Variants in ZBP1 observed in about 807,000 individuals in gnomAD.
ZBP1 encodes the protein Z-DNA binding protein 1, also known as Z-DNA-binding protein 1.
In ZBP1, 42 loss-of-function variants were observed where a neutral mutation model predicts 41.1. The observed-to-expected ratio is 1.02, with a 90% CI of 0.80 to 1.32. The LOEUF (loss-of-function observed/expected upper bound fraction) is 1.32, where lower values mean the gene tolerates loss of function less well. ZBP1 is among the 40% of genes most tolerant of loss of function. ZBP1 has a pLI of 0.00. For synonymous variants in ZBP1, 214 were observed against 205.2 expected (o/e 1.04, Z -0.37); for missense variants, 562 against 549.7 (o/e 1.02, Z -0.22).
At chr20:57,619,812 G>C (rs2070951598) in intron 1 of ZBP1, among the ~76,000 whole-genome samples, 1 of 152,086 alleles carries the variant, frequency 6.6e-6, no homozygotes, top group Non-Finnish European at 1.5e-5. Flanking sequence ...CTGTCAAAGG[G>C]GGATGGCTAT....
chr20:57,611,686 C>T (rs1017887385), intron 6 of ZBP1, 41 bp downstream of exon 6: 128 of 1,572,792 alleles, frequency 8.1e-5, no homozygotes, highest in Non-Finnish European at 1.1e-4. Flanking sequence ...TGAGGACCCA[C>T]GGGGTGGCAG....
At chr20:57,615,467 T>C in intron 3 of ZBP1, 45 bp downstream of exon 3, 4 of 1,597,488 alleles carry the variant, frequency 2.5e-6, no homozygotes, top group Non-Finnish European at 8.6e-7. Context: ...TCCTGGGGAG[T>C]GGGATCCTGT....
At chr20:57,620,223 G>T in intron 1 of ZBP1, 39 bp downstream of exon 1, 1 of 1,564,676 alleles carries the variant, frequency 6.4e-7, no homozygotes, top group East Asian at 2.4e-5. Flanking sequence ...TCTCACCCCG[G>T]GAGCTACCGC....
chr20:57,604,307 C>A lies in ZBP1; in HGVS notation c.*266G>T, dbSNP rs1402826002. ...GAGAGAGTCCCCTGGGCCTGGGGGA[C>A]CGAGCCCCACTCCCATCTACCCACC... On this transcript the variant is annotated 3_prime_UTR_variant, in exon 8 of 8. Transcript: ENST00000371173. 1 of 613,048 alleles carries A rather than the reference C, an allele frequency of 1.6e-6. No homozygotes were observed. Among genetic ancestry groups the A allele is most frequent in the African/African-American group, 1.8e-5 (1 of 55,184 alleles). The allele number at this position is 613,048 out of a possible 1,614,324, so 38.0% of individuals were successfully genotyped here. A position where few individuals can be genotyped will look rare whatever the true frequency, so the allele number is the denominator to read the frequency against.
chr20:57,610,100 TGG>T lies in ZBP1; in HGVS notation c.1093+47_1093+48del. 6.5e-7 allele frequency: 1 copy of T among 1,536,760 alleles called. No homozygotes were observed. Among genetic ancestry groups the T allele is most frequent in the Non-Finnish European group, 9.0e-7 (1 of 1,113,890 alleles). On this transcript the variant is annotated intron_variant, in intron 7 of 7. Transcript: ENST00000371173. The surrounding 1 kb of genome is among the most constrained non-coding windows in gnomAD (Gnocchi z 5.5). ...AGTGAATGAATGAATGAGTGGAAGGTGGGGAGAGAGAGAGAACACACAGGGGT... is the reference window on the plus strand; with the variant it reads ...AGTGAATGAATGAATGAGTGGAAGGTGGAGAGAGAGAGAACACACAGGGGT...
At position 57,604,287 on chromosome 20, in the gene ZBP1, A is replaced by G. The variant is rs1224160385; in HGVS notation, c.*286T>C. ...CCCGAGCCCAGGAAAGAGTGGAGAG[A>G]GTCCCCTGGGCCTGGGGGACCGAGC... On this transcript the variant is annotated 3_prime_UTR_variant, in exon 8 of 8. Transcript: ENST00000371173. 1 of 573,398 alleles carries G rather than the reference A, an allele frequency of 1.7e-6. No homozygotes were observed. The allele number at this position is 573,398 out of a possible 1,614,324, so 35.5% of individuals were successfully genotyped here. A position where few individuals can be genotyped will look rare whatever the true frequency, so the allele number is the denominator to read the frequency against.
intron 2 of ZBP1, 172 bp from the exon 3 acceptor site, chr20:57,615,752 C>T (rs1054063507): frequency 4.0e-5 from 23 of 575,088 alleles, no homozygotes; most frequent in African/African-American, 2.1e-4. Context: ...CTGGCAGCTG[C>T]GGCTTCCTGC....
chr20:57,615,945 T>C, intron 2 of ZBP1: 1 of 548,552 alleles, frequency 1.8e-6, no homozygotes, highest in Non-Finnish European at 3.2e-6. Context: ...ATTGGGACCA[T>C]GGCGTCATTG....
rs531626909 is a variant in ZBP1, at chr20:57,612,326, A to T, written c.671-396T>A. Among the ~76,000 whole-genome samples, 466 of 152,318 alleles carry T rather than the reference A, an allele frequency of 3.1e-3. 3 individuals carry two copies. The highest frequency in any genetic ancestry group is 0.011 in the African/African-American group (446 of 41,552). On this transcript the variant is annotated intron_variant, in intron 5 of 7. Coordinates refer to ENST00000371173, the MANE Select transcript of ZBP1 (RefSeq NM_030776.3). ...ATTTTTATGGTGTTTTTCATGATTTACACTTAAAATAATACTATAAAATTG... is the reference window on the plus strand; with the variant it reads ...ATTTTTATGGTGTTTTTCATGATTTTCACTTAAAATAATACTATAAAATTG...
chr20:57,605,044 G>A (rs368440797), intron 7 of ZBP1, among the ~76,000 whole-genome samples: 8 of 152,094 alleles, frequency 5.3e-5, no homozygotes, highest in African/African-American at 1.9e-4. Flanking sequence ...AGTCCTCCCA[G>A]GGACCCCAAA....
chr20:57,616,429 G>A lies in ZBP1; in HGVS notation c.74C>T (p.Ala25Val), dbSNP rs376563295. The A allele has an allele frequency of 1.2e-6, 2 of 1,613,890 alleles. No individual in the cohort carries two copies. Among genetic ancestry groups the A allele is most frequent in the African/African-American group, 2.7e-5 (2 of 74,934 alleles). Residue 25 changes from alanine (A) to valine (V), a missense_variant, in exon 2 of 8, where the codon GCT becomes GTT. Physicochemically the swap from Ala to Val is moderately conservative, Grantham distance 64. Coordinates refer to ENST00000371173, the MANE Select transcript of ZBP1 (RefSeq NM_030776.3). ...CTGGGCAAGTTTCACCGGGGAGCCA[G>A]CCTCTGTCAGCACCTGCAGGATTCT... ...EQRILQVLTE[A>V]GSPVKLAQLV...
chr20:57,604,273 G>A lies in ZBP1; in HGVS notation c.*300C>T, dbSNP rs576620878. On this transcript the variant is annotated 3_prime_UTR_variant, in exon 8 of 8. Transcript: ENST00000371173. Reference sequence around the variant, plus strand: ...CTCCAGGCAGATGCCCCGAGCCCAGGAAAGAGTGGAGAGAGTCCCCTGGGC... The same window carrying A: ...CTCCAGGCAGATGCCCCGAGCCCAGAAAAGAGTGGAGAGAGTCCCCTGGGC... 5 of 537,710 alleles carry A rather than the reference G, an allele frequency of 9.3e-6. No homozygotes were observed. The Admixed American group carries it at 1.2e-4, about 13-fold the overall frequency. 33.3% of individuals were successfully genotyped at this position (537,710 alleles called of 1,614,324 possible). A position where few individuals can be genotyped will look rare whatever the true frequency, so the allele number is the denominator to read the frequency against.
At position 57,610,544 on chromosome 20, in the gene ZBP1, C is replaced by T. The variant is rs531059439; in HGVS notation, c.875-177G>A. The T allele has an allele frequency of 9.6e-6, 6 of 625,778 alleles. No homozygotes were observed. Among genetic ancestry groups the T allele is most frequent in the Non-Finnish European group, 1.7e-5 (6 of 357,152 alleles). 38.8% of individuals were successfully genotyped at this position (625,778 alleles called of 1,614,324 possible). A position where few individuals can be genotyped will look rare whatever the true frequency, so the allele number is the denominator to read the frequency against. On this transcript the variant is annotated intron_variant, in intron 6 of 7. Coordinates refer to ENST00000371173, the MANE Select transcript of ZBP1 (RefSeq NM_030776.3). This position sits in a 1 kb window ranked among gnomAD's most constrained non-coding sequence, Gnocchi z 5.5. ...TCCACCCGCCACACCTCCGCTCGTG[C>T]TGTTGTGCTGTCTGGGAAGCGTCTT...
intron 3 of ZBP1, 88 bp downstream of exon 3, chr20:57,615,424 T>G: frequency 1.3e-4 from 188 of 1,403,340 alleles, no homozygotes; most frequent in Non-Finnish European, 1.7e-4. Flanking sequence ...TGAACACTGG[T>G]GAGATCTTGT....
In ZBP1 at chr20:57,616,241, T is replaced by A; in HGVS notation, c.259+3A>T. The stretch of plus-strand genomic sequence containing the variant: ...AGACCCGCCTCCCCGGGGTGGCAGT[T>A]ACCAGGGCTGGACAAGGCCAGCTCT... On this transcript the variant is annotated splice_donor_region_variant and intron_variant, in intron 2 of 7. Transcript: ENST00000371173. 3 of 1,613,586 alleles carry A rather than the reference T, an allele frequency of 1.9e-6. No individual in the cohort carries two copies. The highest frequency in any genetic ancestry group is 2.5e-6 in the Non-Finnish European group (3 of 1,179,748).
At chr20:57,611,951 A>G in intron 5 of ZBP1, 21 bp from the exon 6 acceptor site, 1 of 1,550,556 alleles carries the variant, frequency 6.4e-7, no homozygotes, top group Non-Finnish European at 8.7e-7. Flanking sequence ...ACAGTGGCAC[A>G]GCCTCACCGG....
chr20:57,620,166 T>A, intron 1 of ZBP1, 96 bp downstream of exon 1: 1 of 1,426,456 alleles, frequency 7.0e-7, no homozygotes, highest in Non-Finnish European at 9.7e-7. Context: ...ACTGCTATTG[T>A]CATCATGATC....
chr20:57,604,804 GCA>G, intron 7 of ZBP1, 35 bp from the exon 8 acceptor site: 1 of 1,593,702 alleles, frequency 6.3e-7, no homozygotes, highest in Non-Finnish European at 8.6e-7. Flanking sequence ...AGCTTCATGG[GCA>G]CGTGGCCTGG....
At chr20:57,608,925 C>A (rs2070570210) in intron 7 of ZBP1, among the ~76,000 whole-genome samples, 2 of 152,194 alleles carry the variant, frequency 1.3e-5, no homozygotes, top group African/African-American at 4.8e-5. Flanking sequence ...GGGTGTGATT[C>A]CTTATTCCAG....
Sources: allele counts gnomAD v4.1 joint callset (sites outside exome capture counted in the v4.1 genomes callset), GRCh38; gene constraint gnomAD v4.1.1; non-coding constraint Gnocchi (gnomAD v3.1); transcripts MANE v1.5; gene names NCBI Gene and HGNC (gene_info 2026-07-23, HGNC 2026-07-21).